Variants in RNF38 observed in about 807,000 individuals in gnomAD.
RNF38 encodes the protein E3 ubiquitin-protein ligase RNF38.
A neutral mutation model predicts 67.2 loss-of-function variants in RNF38; 15 were observed. The observed-to-expected ratio is 0.22, with a 90% CI of 0.15 to 0.34. The LOEUF (loss-of-function observed/expected upper bound fraction) is 0.34, where lower values mean the gene tolerates loss of function less well. RNF38 is among the 10% of genes least tolerant of loss of function. RNF38 has a pLI of 1.00. For missense variants in RNF38, 524 were observed against 639.9 expected (o/e 0.82, Z 1.95); for synonymous variants, 220 against 218.8 (o/e 1.01, Z -0.05).
intron 1 of RNF38, among the ~76,000 whole-genome samples, chr9:36,426,243 T>C (rs1838768684): frequency 6.6e-6 from 1 of 152,194 alleles, no homozygotes; most frequent in Non-Finnish European, 1.5e-5. Context: ...AATTCAATTT[T>C]TTTTTTTTAG....
chr9:36,419,779 G>A (rs1838571552), intron 2 of RNF38, among the ~76,000 whole-genome samples: 1 of 152,158 alleles, frequency 6.6e-6, no homozygotes, highest in Non-Finnish European at 1.5e-5. Context: ...CAGAAATTGC[G>A]CCACTGCACC....
At position 36,347,534 on chromosome 9, in the gene RNF38, A is replaced by C. The variant is rs544157356; in HGVS notation, c.1264-2581T>G. Among the ~76,000 whole-genome samples the C allele has an allele frequency of 7.9e-5, 12 of 152,316 alleles. No individual in the cohort carries two copies. In the South Asian group the frequency reaches 1.7e-3, roughly 21 times the overall value. On this transcript the variant is annotated intron_variant, in intron 9 of 11. Coordinates refer to ENST00000259605, the MANE Select transcript of RNF38 (RefSeq NM_022781.5). ...CTGCTATAATGATCTCTGATCTTTG[A>C]CGTTACTATTGCACTTGTTTTGTGG...
chr9:36,450,209 GCCC>G (rs1385778574), intron 1 of RNF38, among the ~76,000 whole-genome samples: 1 of 151,732 alleles, frequency 6.6e-6, no homozygotes, highest in Non-Finnish European at 1.5e-5. Flanking sequence ...CTTTTTTGTT[GCCC>G]CCAACAAAAA....
chr9:36,391,855 C>T (rs968870952), intron 1 of RNF38, among the ~76,000 whole-genome samples: 1 of 152,106 alleles, frequency 6.6e-6, no homozygotes, highest in Admixed American at 6.5e-5. Flanking sequence ...CCTCGTGATC[C>T]GTCCGCCTCG....
At position 36,353,059 on chromosome 9, in the gene RNF38, T is replaced by C. The variant is rs546097357; in HGVS notation, c.1071+111A>G. On this transcript the variant is annotated intron_variant, in intron 7 of 11. Coordinates refer to ENST00000259605, the MANE Select transcript of RNF38 (RefSeq NM_022781.5). ...TTCTAAATATAACTTTCCAACTGAA[T>C]GCTGTCGAGAATACATATAATTCTA... is the stretch of plus-strand genomic sequence containing the variant. 2.0e-5 allele frequency: 20 copies of C among 997,920 alleles called. 1 individual carries two copies. Among genetic ancestry groups the C allele is most frequent in the African/African-American group, 1.3e-4 (8 of 61,426 alleles). The allele number at this position is 997,920 out of a possible 1,614,324, so 61.8% of individuals were successfully genotyped here.
chr9:36,438,423 T>G (rs1839119481), intron 1 of RNF38, among the ~76,000 whole-genome samples: 1 of 152,136 alleles, frequency 6.6e-6, no homozygotes, highest in East Asian at 1.9e-4. Context: ...TTTGTGATTT[T>G]TTTTAAGCTC....
chr9:36,354,470 T>G (rs1323236506), intron 6 of RNF38, among the ~76,000 whole-genome samples: 1 of 152,214 alleles, frequency 6.6e-6, no homozygotes, highest in Non-Finnish European at 1.5e-5. Flanking sequence ...CTTTCCATTT[T>G]TATGTATTTA....
intron 1 of RNF38, among the ~76,000 whole-genome samples, chr9:36,481,463 C>A (rs1479909948): frequency 6.6e-6 from 1 of 152,174 alleles, no homozygotes; most frequent in Non-Finnish European, 1.5e-5. Context: ...AGGAAAAAAA[C>A]TGAAACCAGT....
intron 1 of RNF38, among the ~76,000 whole-genome samples, chr9:36,433,223 G>GGT: frequency 6.6e-6 from 1 of 151,542 alleles, no homozygotes; most frequent in Non-Finnish European, 1.5e-5. Context: ...GCACAACAGG[G>GGT]TGACTATAGT....
intron 1 of RNF38, among the ~76,000 whole-genome samples, chr9:36,479,126 G>A (rs1034723150): frequency 1.3e-5 from 2 of 152,150 alleles, no homozygotes; most frequent in Non-Finnish European, 2.9e-5. Flanking sequence ...TTTTGGTACT[G>A]TCTCCAGATG....
chr9:36,402,350 G>A (rs1188405525), upstream of RNF38, among the ~76,000 whole-genome samples: 1 of 151,882 alleles, frequency 6.6e-6, no homozygotes, highest in Non-Finnish European at 1.5e-5. Context: ...TTTTTTGTTT[G>A]TTTGTTTCAC....
At chr9:36,359,421 A>G (rs1324305418) in intron 4 of RNF38, among the ~76,000 whole-genome samples, 1 of 152,092 alleles carries the variant, frequency 6.6e-6, no homozygotes, top group African/African-American at 2.4e-5. Flanking sequence ...TAGGGCTCTA[A>G]TTTTGCTTGC....
intron 1 of RNF38, among the ~76,000 whole-genome samples, chr9:36,454,580 CTTTTTT>C (rs377679133): frequency 8.9e-6 from 1 of 112,466 alleles, no homozygotes; most frequent in African/African-American, 3.4e-5. Flanking sequence ...CATTAATTTA[CTTTTTT>C]TTTTTTTTTT....
At chr9:36,349,147 G>T (rs1247357215) in intron 9 of RNF38, among the ~76,000 whole-genome samples, 2 of 152,218 alleles carry the variant, frequency 1.3e-5, no homozygotes, top group East Asian at 1.9e-4. Context: ...TTGTTCAAGA[G>T]AAAAAGATTC....
At chr9:36,476,155 C>A (rs917433018) in intron 1 of RNF38, among the ~76,000 whole-genome samples, 13 of 152,108 alleles carry the variant, frequency 8.5e-5, no homozygotes, top group African/African-American at 3.1e-4. Flanking sequence ...GACTGAGTCT[C>A]GCTCAGCCAC....
chr9:36,364,063 CAA>C (rs1212711227), intron 4 of RNF38, among the ~76,000 whole-genome samples: 10,620 of 68,658 alleles, frequency 0.15, 1,494 homozygotes, highest in Non-Finnish European at 0.22. Flanking sequence ...CTCTTGACCT[CAA>C]GGGATCTGCC....
intron 2 of RNF38, among the ~76,000 whole-genome samples, chr9:36,408,321 A>G (rs1222654853): frequency 3.4e-5 from 5 of 147,272 alleles, no homozygotes; most frequent in African/African-American, 1.3e-4. Flanking sequence ...CAAGGCTGGC[A>G]ATTTTTATTC....
At chr9:36,468,212 A>G (rs1230199096) in intron 1 of RNF38, among the ~76,000 whole-genome samples, 1 of 150,810 alleles carries the variant, frequency 6.6e-6, no homozygotes, top group Non-Finnish European at 1.5e-5. Flanking sequence ...ACTGTACTCC[A>G]GCCTGCTGGG....
At chr9:36,438,682 T>C (rs1383453668) in intron 1 of RNF38, among the ~76,000 whole-genome samples, 1 of 152,122 alleles carries the variant, frequency 6.6e-6, no homozygotes, top group African/African-American at 2.4e-5. Flanking sequence ...CACTCAGGCA[T>C]TTACTTATAC....
Sources: gnomAD v4.1 joint callset for allele counts (sites outside exome capture counted in the v4.1 genomes callset) on GRCh38, gnomAD v4.1.1 for gene constraint, MANE v1.5 for transcripts, NCBI Gene and HGNC (gene_info 2026-07-23, HGNC 2026-07-21) for gene names.